Variants in CSMD1 observed in about 807,000 individuals in gnomAD.
CSMD1 encodes CUB and sushi domain-containing protein 1.
In CSMD1, 213 loss-of-function variants were observed where a neutral mutation model predicts 417.5. The ratio of observed to expected loss-of-function variants is 0.51; its 90% confidence interval spans 0.46 to 0.57. The LOEUF (loss-of-function observed/expected upper bound fraction) is 0.57. Among genes scored for constraint, CSMD1 ranks in the 20% least tolerant of loss-of-function variants. The probability of loss-of-function intolerance (pLI) is 0.00; values close to 1 mark genes in which losing one functional copy is unlikely to be tolerated. For synonymous variants in CSMD1, 2,862 were observed against 1,736.8 expected (o/e 1.65, Z -16.11); for missense variants, 6,923 against 4,529.7 (o/e 1.53, Z -15.17).
chr8:4,363,683 G>C (rs957916520), intron 3 of CSMD1, among the ~76,000 whole-genome samples: 3 of 152,292 alleles, frequency 2.0e-5, no homozygotes, highest in African/African-American at 4.8e-5. Context: ...ACATCGCTCT[G>C]TGCCTGGTTA....
intron 1 of CSMD1, among the ~76,000 whole-genome samples, chr8:4,695,375 G>C (rs1342915403): frequency 6.6e-6 from 1 of 152,170 alleles, no homozygotes; most frequent in Non-Finnish European, 1.5e-5. Context: ...CTGTTCACAT[G>C]TGTTATTTAC....
At chr8:3,410,859 C>G (rs1020985806) in intron 12 of CSMD1, among the ~76,000 whole-genome samples, 1 of 152,078 alleles carries the variant, frequency 6.6e-6, no homozygotes, top group African/African-American at 2.4e-5. Context: ...CCACCTGAGA[C>G]TCCCAAAAAT....
intron 1 of CSMD1, among the ~76,000 whole-genome samples, chr8:4,988,043 C>G (rs760236364): frequency 6.6e-6 from 1 of 152,236 alleles, no homozygotes; most frequent in Non-Finnish European, 1.5e-5. Context: ...ATAAACTCCC[C>G]TTTATATATA....
At chr8:4,132,421 T>G (rs1031410375) in intron 3 of CSMD1, among the ~76,000 whole-genome samples, 1 of 152,306 alleles carries the variant, frequency 6.6e-6, no homozygotes, top group South Asian at 2.1e-4. Context: ...TGTTTACCCA[T>G]AGAAACTATT....
At chr8:4,078,042 G>C (rs917130030) in intron 3 of CSMD1, among the ~76,000 whole-genome samples, 1 of 152,106 alleles carries the variant, frequency 6.6e-6, no homozygotes, top group African/African-American at 2.4e-5. Context: ...CAATCCACCA[G>C]TAGGGAGTAG....
rs148827085 is a variant in CSMD1, at chr8:3,634,210, A to G, written c.1010-17413T>C. Among the ~76,000 whole-genome samples the G allele has an allele frequency of 3.5e-3, 536 of 152,228 alleles. 5 individuals are homozygous for G. Among genetic ancestry groups the G allele is most frequent in the African/African-American group, 0.012 (482 of 41,542 alleles). On this transcript the variant is annotated intron_variant, in intron 7 of 69. Coordinates refer to ENST00000635120, the MANE Select transcript of CSMD1 (RefSeq NM_033225.6). ...ACCTGGGGACCTTAGGCCACAGCAGATAGTCTATGTGTTCACGTGATTAAT... is the reference window on the plus strand; with the variant it reads ...ACCTGGGGACCTTAGGCCACAGCAGGTAGTCTATGTGTTCACGTGATTAAT...
intron 2 of CSMD1, among the ~76,000 whole-genome samples, chr8:4,636,438 A>G (rs1304794968): frequency 6.6e-6 from 1 of 152,200 alleles, no homozygotes; most frequent in Non-Finnish European, 1.5e-5. Context: ...AAATTCTCCA[A>G]AGAATGCAAT....
chr8:3,021,488 A>C (rs946813798), intron 51 of CSMD1, among the ~76,000 whole-genome samples: 4 of 152,192 alleles, frequency 2.6e-5, no homozygotes, highest in African/African-American at 9.7e-5. Context: ...TTTCCTCTGA[A>C]GTTTCTAAAA....
intron 4 of CSMD1, among the ~76,000 whole-genome samples, chr8:4,009,730 C>G (rs1031870946): frequency 6.6e-6 from 1 of 151,996 alleles, no homozygotes; most frequent in Non-Finnish European, 1.5e-5. Flanking sequence ...GATGTACCTA[C>G]CTCCACAGGC....
intron 2 of CSMD1, among the ~76,000 whole-genome samples, chr8:4,435,391 G>A (rs1483229235): frequency 6.6e-6 from 1 of 152,184 alleles, no homozygotes; most frequent in Non-Finnish European, 1.5e-5. Flanking sequence ...CCTGCAGTGT[G>A]ATATCACTCC....
chr8:4,171,858 C>G (rs766077779), intron 3 of CSMD1, among the ~76,000 whole-genome samples: 4 of 152,104 alleles, frequency 2.6e-5, no homozygotes, highest in Non-Finnish European at 5.9e-5. Context: ...ATGTGTGATT[C>G]TCTCATTACT....
intron 5 of CSMD1, among the ~76,000 whole-genome samples, chr8:3,861,540 A>G (rs1184369653): frequency 6.6e-6 from 1 of 152,090 alleles, no homozygotes; most frequent in Admixed American, 6.5e-5. Flanking sequence ...GAATTCTGGG[A>G]TTTAACTCCA....
chr8:4,683,222 G>A (rs748522503), intron 1 of CSMD1, among the ~76,000 whole-genome samples: 1 of 151,962 alleles, frequency 6.6e-6, no homozygotes, highest in East Asian at 1.9e-4. Flanking sequence ...GTATTACCAT[G>A]AAGAGTCTAA....
In CSMD1 at chr8:4,286,179, C is replaced by G. The variant is rs147083622; in HGVS notation, c.415+133774G>C. 3.3e-5 allele frequency among the ~76,000 whole-genome samples: 5 copies of G among 152,180 alleles called. No individual in the cohort carries two copies. The East Asian group carries it at 5.8e-4, about 18-fold the overall frequency. The stretch of plus-strand genomic sequence containing the variant: ...TACCATAAACAAAAGTCAAGAGGAG[C>G]TCCAGTTTTCTTTTCTCCCGACTGC... On this transcript the variant is annotated intron_variant, in intron 3 of 69. Coordinates refer to ENST00000635120, the MANE Select transcript of CSMD1 (RefSeq NM_033225.6).
chr8:3,324,099 T>G (rs1287119832), intron 23 of CSMD1, among the ~76,000 whole-genome samples: 1 of 134,814 alleles, frequency 7.4e-6, no homozygotes, highest in Admixed American at 8.0e-5. Context: ...GGTGGGGGAG[T>G]TTCCTTCACC....
intron 2 of CSMD1, among the ~76,000 whole-genome samples, chr8:4,606,158 C>T (rs2725013): frequency 0.99 from 150,481 of 152,302 alleles, 74,350 homozygotes; most frequent in East Asian, 1. Flanking sequence ...GCTTCTAAAC[C>T]GCAGGACACA....
chr8:3,921,857 G>T (rs1056195052), intron 5 of CSMD1, among the ~76,000 whole-genome samples: 1 of 152,106 alleles, frequency 6.6e-6, no homozygotes, highest in Non-Finnish European at 1.5e-5. Flanking sequence ...TGTATATGCT[G>T]CTGCTGTGGT....
At chr8:3,575,790 C>A (rs1180650706) in intron 9 of CSMD1, among the ~76,000 whole-genome samples, 1 of 150,176 alleles carries the variant, frequency 6.7e-6, no homozygotes, top group African/African-American at 2.4e-5. Context: ...TCTATATATA[C>A]AACTTAGTCT....
intron 5 of CSMD1, among the ~76,000 whole-genome samples, chr8:3,788,731 G>A (rs1246116674): frequency 1.3e-5 from 2 of 152,186 alleles, no homozygotes; most frequent in African/African-American, 2.4e-5. Context: ...AGATTAGAAA[G>A]CACTTTCACA....
Sources: gnomAD v4.1 joint callset for allele counts (sites outside exome capture counted in the v4.1 genomes callset) on GRCh38, gnomAD v4.1.1 for gene constraint, MANE v1.5 for transcripts, NCBI Gene and HGNC (gene_info 2026-07-23, HGNC 2026-07-21) for gene names.